FGF13: variants seen among roughly 807,000 people sequenced by gnomAD.
FGF13 encodes fibroblast growth factor homologous factor 2.
In FGF13, 2 loss-of-function variants were observed where a neutral mutation model predicts 19.5. The observed-to-expected ratio is 0.10, with a 90% confidence interval of 0.04 to 0.32. The LOEUF is 0.32. Ranked by LOEUF, FGF13 falls within the 10% of genes least tolerant of loss-of-function variation. FGF13 has a pLI of 1.00. For synonymous variants in FGF13, 72 were observed against 76.9 expected (o/e 0.94, Z 0.33); for missense variants, 113 against 192.7 (o/e 0.59, Z 2.45).
At position 138,931,265 on chromosome X, in the gene FGF13, T is replaced by C. The variant is rs960436028; in HGVS notation, c.-112-66615A>G. On this transcript the variant is annotated intron_variant, in intron 1 of 2. Coordinates refer to the FGF13 transcript ENST00000421460. ...ACAGAAAAGGGCTGTTTTTTTTTTT[T>C]AATAACTGTCAACTTTTCCCTAGGC... 2.7e-5 allele frequency among the ~76,000 whole-genome samples: 3 copies of C among 111,126 alleles called. No individual in the cohort carries two copies. The Admixed American group carries it at 2.8e-4, about 11-fold the overall frequency.
chrX:138,971,233 A>C (rs1176106261), intron 1 of FGF13, among the ~76,000 whole-genome samples: 1 of 111,923 alleles, frequency 8.9e-6, no homozygotes, highest in Non-Finnish European at 1.9e-5. Context: ...TCCTTTCTAG[A>C]TCTCAGTTTC....
intron 1 of FGF13, among the ~76,000 whole-genome samples, chrX:139,108,120 G>A (rs769057361): frequency 1.8e-5 from 2 of 112,089 alleles, no homozygotes; most frequent in Non-Finnish European, 3.8e-5. Flanking sequence ...AACACTGTTT[G>A]CCTTTGACAT....
At chrX:138,877,362 C>T (rs906582216) in intron 1 of FGF13, among the ~76,000 whole-genome samples, 12 of 111,505 alleles carry the variant, frequency 1.1e-4, no homozygotes, top group African/African-American at 3.3e-4. Context: ...GACGTGAAAA[C>T]ACTTTTGCTT....
chrX:139,198,231 GTT>G (rs1466592026), intron 1 of FGF13, among the ~76,000 whole-genome samples: 3 of 111,391 alleles, frequency 2.7e-5, no homozygotes, highest in Non-Finnish European at 5.7e-5. Context: ...GAGTTTTACT[GTT>G]TTTCTTTTCT....
Position 138,625,532 on chromosome X carries a change from T to TATATATAATATATATATA in FGF13, c.*7317_*7318insTATATATATATTATATAT, listed in dbSNP as rs2089054984. 1 of 98,069 alleles carries TATATATAATATATATATA rather than the reference T, an allele frequency of 1.0e-5. No homozygotes were observed. Among genetic ancestry groups the TATATATAATATATATATA allele is most frequent in the Admixed American group, 1.2e-4 (1 of 8,376 alleles). The allele number at this position is 98,069 out of a possible 1,213,427, so 8.1% of individuals were successfully genotyped here. A position where few individuals can be genotyped will look rare whatever the true frequency, so the allele number is the denominator to read the frequency against. Reference sequence around the variant, plus strand: ...ATATAATATAATATATATATATATCTTAGCCATATAAAGAGGGAGCTCCTT... The same window carrying TATATATAATATATATATA: ...ATATAATATAATATATATATATATCTATATATAATATATATATATAGCCATATAAAGAGGGAGCTCCTT... On this transcript the variant is annotated 3_prime_UTR_variant, in exon 5 of 5. Coordinates refer to ENST00000315930, the MANE Select transcript of FGF13 (RefSeq NM_004114.5).
At chrX:138,713,064 A>G (rs1209546972), upstream of FGF13, among the ~76,000 whole-genome samples, 1 of 112,421 alleles carries the variant, frequency 8.9e-6, no homozygotes, top group Non-Finnish European at 1.9e-5. Flanking sequence ...TGTGTCTGCA[A>G]GGCAGACTGG....
chrX:138,910,192 T>C (rs1325241436), intron 1 of FGF13, among the ~76,000 whole-genome samples: 1 of 110,209 alleles, frequency 9.1e-6, no homozygotes. Flanking sequence ...GGTTAAGGAG[T>C]CCACCTCAAG....
At chrX:138,902,220 G>T (rs1276442918) in intron 1 of FGF13, among the ~76,000 whole-genome samples, 4 of 112,312 alleles carry the variant, frequency 3.6e-5, no homozygotes, top group Non-Finnish European at 7.5e-5. Context: ...CAGATTTAAG[G>T]ATGTCAGATA....
intron 1 of FGF13, among the ~76,000 whole-genome samples, chrX:138,970,515 C>T (rs1032615974): frequency 2.7e-5 from 3 of 111,414 alleles, no homozygotes; most frequent in African/African-American, 9.8e-5. Flanking sequence ...TCAATTCAGA[C>T]GCTCCTAAAA....
rs1456949415 is a variant in FGF13 at position 138,616,278 on chromosome X, A to G, written c.*16572T>C. 8.9e-6 allele frequency: 1 copy of G among 112,722 alleles called. No individual in the cohort carries two copies. Among genetic ancestry groups the G allele is most frequent in the Non-Finnish European group, 1.9e-5 (1 of 53,373 alleles). 9.3% of individuals were successfully genotyped at this position (112,722 alleles called of 1,213,427 possible). A position where few individuals can be genotyped will look rare whatever the true frequency, so the allele number is the denominator to read the frequency against. ...ATGGGGGTACAGGAATTGAGTAAAA[A>G]TACCCATTCCAAATGGGAGAAGTTG... On this transcript the variant is annotated 3_prime_UTR_variant, in exon 5 of 5. Coordinates refer to ENST00000315930, the MANE Select transcript of FGF13 (RefSeq NM_004114.5).
In FGF13 at chrX:138,624,462, G is replaced by T. The variant is rs2089040206; in HGVS notation, c.*8388C>A. The T allele has an allele frequency of 8.9e-6, 1 of 112,250 alleles. No individual in the cohort carries two copies. Among genetic ancestry groups the T allele is most frequent in the Non-Finnish European group, 1.9e-5 (1 of 53,261 alleles). The allele number at this position is 112,250 out of a possible 1,213,427, so 9.3% of individuals were successfully genotyped here. A position where few individuals can be genotyped will look rare whatever the true frequency, so the allele number is the denominator to read the frequency against. On this transcript the variant is annotated 3_prime_UTR_variant, in exon 5 of 5. Coordinates refer to ENST00000315930, the MANE Select transcript of FGF13 (RefSeq NM_004114.5). ...AAACTTAAACATAAGACCTAAAATT[G>T]TAAAATTACTAGAATAAGAAATAAT...
At chrX:139,112,590 C>G (rs2083611330) in intron 1 of FGF13, among the ~76,000 whole-genome samples, 1 of 111,841 alleles carries the variant, frequency 8.9e-6, no homozygotes, top group Admixed American at 9.5e-5. Context: ...GGCCCTGGAT[C>G]CAGTCACAAC....
intron 1 of FGF13, among the ~76,000 whole-genome samples, chrX:138,931,886 A>G (rs919297492): frequency 2.7e-5 from 3 of 111,925 alleles, no homozygotes; most frequent in Admixed American, 9.5e-5. Flanking sequence ...TATAAATAAG[A>G]AAAAATGACC....
intron 1 of FGF13, among the ~76,000 whole-genome samples, chrX:139,091,661 T>C (rs1385014085): frequency 1.8e-5 from 2 of 111,520 alleles, no homozygotes; most frequent in Non-Finnish European, 3.8e-5. Flanking sequence ...TGTTAGGGTG[T>C]CAAAAGAAGC....
intron 1 of FGF13, among the ~76,000 whole-genome samples, chrX:139,197,202 T>G (rs775537129): frequency 4.4e-5 from 5 of 112,440 alleles, no homozygotes; most frequent in African/African-American, 1.6e-4. Context: ...AGCACCGTGT[T>G]AGTAATTTGC....
intron 1 of FGF13, among the ~76,000 whole-genome samples, chrX:138,877,432 T>C (rs2091397187): frequency 8.9e-6 from 1 of 111,908 alleles, no homozygotes; most frequent in Non-Finnish European, 1.9e-5. Context: ...TTTTTTATTG[T>C]GGTAAAATAT....
At chrX:138,881,457 A>G (rs1348506830) in intron 1 of FGF13, among the ~76,000 whole-genome samples, 1 of 111,733 alleles carries the variant, frequency 8.9e-6, no homozygotes, top group Non-Finnish European at 1.9e-5. Flanking sequence ...CTTCTCTTCT[A>G]TGTTATGGAA....
chrX:139,079,389 G>GA (rs199755564), intron 1 of FGF13, among the ~76,000 whole-genome samples: 1 of 106,200 alleles, frequency 9.4e-6, no homozygotes, highest in Non-Finnish European at 2.0e-5. Context: ...CATGGATCAA[G>GA]AAAAAACAGA....
At chrX:139,177,900 A>G (rs1199313349) in intron 1 of FGF13, among the ~76,000 whole-genome samples, 1 of 112,345 alleles carries the variant, frequency 8.9e-6, no homozygotes, top group Non-Finnish European at 1.9e-5. Context: ...TGCAAAGACC[A>G]TGGGAAAAGC....
Sources: allele counts gnomAD v4.1 joint callset (sites outside exome capture counted in the v4.1 genomes callset), GRCh38; gene constraint gnomAD v4.1.1; transcripts MANE v1.5; gene names NCBI Gene and HGNC (gene_info 2026-07-23, HGNC 2026-07-21).